The following CMTM8 variants were observed in gnomAD, a reference collection of about 807,000 sequenced individuals.
CMTM8 encodes the protein CKLF-like MARVEL transmembrane domain-containing protein 8.
CMTM8 carries 12 observed loss-of-function variants against 18.6 expected under a neutral mutation model. That is an observed-to-expected ratio of 0.65 (90% CI 0.41 to 1.05). CMTM8 has a LOEUF of 1.05. Among genes scored for constraint, CMTM8 ranks in the 50% least tolerant of loss-of-function variants. CMTM8 has a pLI of 0.00. For synonymous variants in CMTM8, 87 were observed against 90.6 expected (o/e 0.96, Z 0.23); for missense variants, 217 against 227.2 (o/e 0.95, Z 0.29).
chr3:32,295,550 CAATGAATAGAAGTA>C (rs1702864408), intron 1 of CMTM8, among the ~76,000 whole-genome samples: 1 of 150,580 alleles, frequency 6.6e-6, no homozygotes, highest in South Asian at 2.1e-4. Context: ...GATAGACACC[CAATGAATAGAAGTA>C]AATGATTCAG....
chr3:32,312,211 G>T (rs1265682068), intron 1 of CMTM8, among the ~76,000 whole-genome samples: 2 of 152,136 alleles, frequency 1.3e-5, no homozygotes, highest in Non-Finnish European at 2.9e-5. Context: ...GGGCAGAGGG[G>T]TAAGATGTGA....
intron 1 of CMTM8, among the ~76,000 whole-genome samples, chr3:32,286,739 A>G (rs1362338216): frequency 6.6e-6 from 1 of 152,200 alleles, no homozygotes; most frequent in Non-Finnish European, 1.5e-5. Context: ...TATAAAATAC[A>G]CTAACACTAA....
intron 1 of CMTM8, among the ~76,000 whole-genome samples, chr3:32,277,478 T>C (rs897132835): frequency 2.6e-5 from 4 of 152,052 alleles, no homozygotes; most frequent in Admixed American, 2.6e-4. Flanking sequence ...GCTCAGGTGA[T>C]CCTCCTGCCT....
At chr3:32,316,956 G>T (rs1695945067) in intron 1 of CMTM8, among the ~76,000 whole-genome samples, 1 of 152,178 alleles carries the variant, frequency 6.6e-6, no homozygotes, top group South Asian at 2.1e-4. Context: ...GCCAGCGTTT[G>T]GAAATTGAAC....
At chr3:32,355,190 C>G (rs59228120) in intron 1 of CMTM8, among the ~76,000 whole-genome samples, 2,297 of 152,282 alleles carry the variant, frequency 0.015, 69 homozygotes, top group African/African-American at 0.053. Context: ...CACAGGAAGT[C>G]TTCTTAAAGA....
chr3:32,334,561 G>T (rs1696349227), intron 1 of CMTM8, among the ~76,000 whole-genome samples: 1 of 151,072 alleles, frequency 6.6e-6, no homozygotes, highest in South Asian at 2.1e-4. Context: ...AGCTGAGATC[G>T]CACCACTGCA....
chr3:32,259,540 AGAGATC>A, intron 1 of CMTM8: 1 of 799,618 alleles, frequency 1.3e-6, no homozygotes, highest in Non-Finnish European at 2.3e-6. Flanking sequence ...AGCTGGAGAC[AGAGATC>A]GAGGCTCTCA....
At chr3:32,335,120 C>T (rs749594728) in intron 1 of CMTM8, among the ~76,000 whole-genome samples, 32 of 152,150 alleles carry the variant, frequency 2.1e-4, no homozygotes, top group Non-Finnish European at 8.8e-5. Flanking sequence ...GGAGGCCTGG[C>T]CAGGGGCGAG....
intron 1 of CMTM8, among the ~76,000 whole-genome samples, chr3:32,327,986 G>A (rs909437951): frequency 1.3e-5 from 2 of 152,166 alleles, no homozygotes; most frequent in African/African-American, 4.8e-5. Flanking sequence ...TGAGGCAGGA[G>A]GACTGCTTGA....
At chr3:32,288,527 G>A (rs146560503) in intron 1 of CMTM8, among the ~76,000 whole-genome samples, 3,003 of 151,184 alleles carry the variant, frequency 0.02, 80 homozygotes, top group African/African-American at 0.067. Flanking sequence ...TTGAAATGGA[G>A]TCTTGCTCTA....
chr3:32,307,527 A>T (rs1695738612), intron 1 of CMTM8, among the ~76,000 whole-genome samples: 1 of 152,144 alleles, frequency 6.6e-6, no homozygotes, highest in Non-Finnish European at 1.5e-5. Flanking sequence ...CTTTTTGGGC[A>T]GCATTCAGTA....
chr3:32,301,498 T>A (rs1359751008), intron 1 of CMTM8, among the ~76,000 whole-genome samples: 3 of 152,112 alleles, frequency 2.0e-5, no homozygotes, highest in Admixed American at 6.6e-5. Flanking sequence ...GGATTCCACC[T>A]TATCTTTCCC....
chr3:32,255,977 G>A (rs529526106), intron 1 of CMTM8, among the ~76,000 whole-genome samples: 4 of 152,218 alleles, frequency 2.6e-5, no homozygotes, highest in Non-Finnish European at 4.4e-5. Flanking sequence ...ATACGCCTGC[G>A]TTGGCCTCCC....
intron 1 of CMTM8, among the ~76,000 whole-genome samples, chr3:32,340,044 C>A (rs905597598): frequency 1.3e-5 from 2 of 152,092 alleles, no homozygotes; most frequent in African/African-American, 4.8e-5. Flanking sequence ...TTTGCCCTTC[C>A]AAGTCTTTGT....
chr3:32,256,902 C>T (rs1366726289), intron 1 of CMTM8, among the ~76,000 whole-genome samples: 1 of 152,190 alleles, frequency 6.6e-6, no homozygotes, highest in African/African-American at 2.4e-5. Flanking sequence ...GCTTCAAATC[C>T]ACTCCTCTGT....
intron 1 of CMTM8, among the ~76,000 whole-genome samples, chr3:32,350,717 G>A (rs867774927): frequency 1.4e-4 from 21 of 152,258 alleles, no homozygotes; most frequent in Middle Eastern, 3.4e-3. Flanking sequence ...TAGAGACGGG[G>A]TTTCACCATA....
chr3:32,350,744 C>T (rs868233935), intron 1 of CMTM8, among the ~76,000 whole-genome samples: 24 of 152,140 alleles, frequency 1.6e-4, no homozygotes, highest in Non-Finnish European at 2.9e-4. Flanking sequence ...AGGCTGGTCT[C>T]GAACTCCTGA....
At chr3:32,269,233 G>A (rs1702398133) in intron 1 of CMTM8, among the ~76,000 whole-genome samples, 1 of 152,156 alleles carries the variant, frequency 6.6e-6, no homozygotes, top group African/African-American at 2.4e-5. Flanking sequence ...GGGGAGAAAT[G>A]TCTGTGTGCT....
chr3:32,254,589 G>A (rs914058856), intron 1 of CMTM8, among the ~76,000 whole-genome samples: 1 of 151,640 alleles, frequency 6.6e-6, no homozygotes, highest in Non-Finnish European at 1.5e-5. Flanking sequence ...CAAATTTTAA[G>A]CTCATAATTT....
Sources: allele counts gnomAD v4.1 joint callset (sites outside exome capture counted in the v4.1 genomes callset), GRCh38; gene constraint gnomAD v4.1.1; transcripts MANE v1.5; gene names NCBI Gene and HGNC (gene_info 2026-07-23, HGNC 2026-07-21).